PCDH9: variants seen among roughly 807,000 people sequenced by gnomAD.
PCDH9 encodes the protein protocadherin-9.
PCDH9 carries 24 observed loss-of-function variants against 70.6 expected under a neutral mutation model. The ratio of observed to expected loss-of-function variants is 0.34; its 90% CI spans 0.25 to 0.48. PCDH9 has a LOEUF of 0.48. Ranked by LOEUF, PCDH9 falls within the 20% of genes least tolerant of loss-of-function variation. The pLI, the probability that PCDH9 is intolerant of heterozygous loss-of-function variation, is 0.99. For missense variants in PCDH9, 1,281 were observed against 1,503.6 expected, an observed-to-expected ratio of 0.85 and a Z score of 2.45; for synonymous variants, 562 against 558.5, an observed-to-expected ratio of 1.01 and a Z score of -0.09.
chr13:67,071,349 T>C (rs1303633421), intron 2 of PCDH9, among the ~76,000 whole-genome samples: 1 of 152,184 alleles, frequency 6.6e-6, no homozygotes, highest in African/African-American at 2.4e-5. Context: ...CACTATGTAA[T>C]ATAATTTTGG....
At chr13:67,190,838 T>C (rs1326288189) in intron 2 of PCDH9, among the ~76,000 whole-genome samples, 3 of 152,100 alleles carry the variant, frequency 2.0e-5, no homozygotes, top group Non-Finnish European at 4.4e-5. Flanking sequence ...GTGCTTTAAG[T>C]TCTTGATCGT....
chr13:67,072,854 C>G (rs1325452489), intron 2 of PCDH9, among the ~76,000 whole-genome samples: 1 of 152,110 alleles, frequency 6.6e-6, no homozygotes, highest in Non-Finnish European at 1.5e-5. Flanking sequence ...ATATGTATTA[C>G]ATTAGAAATA....
chr13:67,040,670 A>G (rs2085095852), intron 2 of PCDH9, among the ~76,000 whole-genome samples: 1 of 152,180 alleles, frequency 6.6e-6, no homozygotes, highest in South Asian at 2.1e-4. Flanking sequence ...CCCAAACTGA[A>G]TATGACATTT....
intron 4 of PCDH9, among the ~76,000 whole-genome samples, chr13:66,517,642 G>A (rs1000112330): frequency 1.3e-5 from 2 of 152,088 alleles, no homozygotes; most frequent in Non-Finnish European, 2.9e-5. Flanking sequence ...GTAAGATAAT[G>A]AAAACTTCTC....
At chr13:66,551,023 C>T (rs768845201) in intron 4 of PCDH9, among the ~76,000 whole-genome samples, 1 of 152,178 alleles carries the variant, frequency 6.6e-6, no homozygotes, top group East Asian at 1.9e-4. Flanking sequence ...GGCTAATCTA[C>T]TTTCACAAGC....
At chr13:66,634,557 C>G (rs1304740864) in intron 3 of PCDH9, among the ~76,000 whole-genome samples, 1 of 151,964 alleles carries the variant, frequency 6.6e-6, no homozygotes, top group East Asian at 1.9e-4. Context: ...AGTTCCTGGC[C>G]TTGAGAAATA....
At chr13:66,674,442 CA>C (rs2078216678) in intron 3 of PCDH9, among the ~76,000 whole-genome samples, 1 of 152,008 alleles carries the variant, frequency 6.6e-6, no homozygotes, top group African/African-American at 2.4e-5. Flanking sequence ...ATTGACTTTA[CA>C]TGAAAAACAA....
intron 2 of PCDH9, among the ~76,000 whole-genome samples, chr13:66,907,222 T>TA (rs1277017772): frequency 6.6e-6 from 1 of 151,854 alleles, no homozygotes; most frequent in Non-Finnish European, 1.5e-5. Context: ...AAAAATAAAA[T>TA]AAAAAACTCT....
chr13:66,620,690 T>C (rs2077411375), intron 4 of PCDH9, among the ~76,000 whole-genome samples: 3 of 152,082 alleles, frequency 2.0e-5, no homozygotes, highest in Admixed American at 1.3e-4. Flanking sequence ...CAAAAATCAG[T>C]GTTCCTTTTT....
intron 2 of PCDH9, among the ~76,000 whole-genome samples, chr13:67,085,129 T>C (rs80131263): frequency 0.013 from 1,932 of 150,450 alleles, 41 homozygotes; most frequent in African/African-American, 0.044. Context: ...ATTTGAAAAT[T>C]TCATTCTCTA....
chr13:66,415,727 A>T (rs1002964462), intron 4 of PCDH9, among the ~76,000 whole-genome samples: 1 of 152,070 alleles, frequency 6.6e-6, no homozygotes, highest in African/African-American at 2.4e-5. Flanking sequence ...AACAAAATAG[A>T]GACATGTAAA....
chr13:66,759,639 T>A (rs1050879674), intron 3 of PCDH9, among the ~76,000 whole-genome samples: 3 of 90,584 alleles, frequency 3.3e-5, no homozygotes, highest in African/African-American at 1.2e-4. Context: ...TTCTTGTTTT[T>A]TACTTTTTGT....
intron 4 of PCDH9, among the ~76,000 whole-genome samples, chr13:66,551,362 G>A (rs1961480234): frequency 1.3e-5 from 2 of 152,104 alleles, no homozygotes; most frequent in African/African-American, 4.8e-5. Flanking sequence ...GGTGAGGAAA[G>A]GGCACGTGCA....
At chr13:66,685,839 C>A (rs1478538082) in intron 3 of PCDH9, among the ~76,000 whole-genome samples, 1 of 152,110 alleles carries the variant, frequency 6.6e-6, no homozygotes, top group African/African-American at 2.4e-5. Flanking sequence ...TTGCATAGGG[C>A]CTGTAGCCCC....
chr13:67,171,267 T>G (rs962892389), intron 2 of PCDH9, among the ~76,000 whole-genome samples: 1 of 152,172 alleles, frequency 6.6e-6, no homozygotes, highest in Admixed American at 6.5e-5. Flanking sequence ...GTATCTACAG[T>G]AAGTAAAAGC....
intron 2 of PCDH9, among the ~76,000 whole-genome samples, chr13:66,958,928 C>A (rs2083303636): frequency 6.6e-6 from 1 of 152,172 alleles, no homozygotes; most frequent in Non-Finnish European, 1.5e-5. Context: ...ATTGGTCTGA[C>A]TGTAGTTTTT....
intron 2 of PCDH9, among the ~76,000 whole-genome samples, chr13:67,055,535 T>C (rs1439199298): frequency 2.0e-5 from 3 of 152,084 alleles, no homozygotes; most frequent in Admixed American, 6.6e-5. Flanking sequence ...AAACGGGCTG[T>C]GTGCAGTGGC....
intron 2 of PCDH9, among the ~76,000 whole-genome samples, chr13:67,110,236 A>C (rs1354829666): frequency 6.6e-6 from 1 of 151,942 alleles, no homozygotes; most frequent in African/African-American, 2.4e-5. Flanking sequence ...AAAGAGAGAG[A>C]GATACGGCCG....
chr13:67,158,113 T>G (rs1443586347), intron 2 of PCDH9, among the ~76,000 whole-genome samples: 2 of 152,220 alleles, frequency 1.3e-5, no homozygotes, highest in African/African-American at 4.8e-5. Context: ...ATGCAAGCTT[T>G]CGTGATACAT....
Sources: gnomAD v4.1 joint callset for allele counts (sites outside exome capture counted in the v4.1 genomes callset) on GRCh38, gnomAD v4.1.1 for gene constraint, MANE v1.5 for transcripts, NCBI Gene and HGNC (gene_info 2026-07-23, HGNC 2026-07-21) for gene names.